ANKH: variants seen among roughly 807,000 people sequenced by gnomAD.
The protein encoded by ANKH is ANKH inorganic pyrophosphate transport regulator.
Under a neutral mutation model 49.0 loss-of-function variants are expected in ANKH, and 15 were observed. That is an observed-to-expected ratio of 0.31 (90% CI 0.20 to 0.47). The LOEUF is 0.47. Ranked by LOEUF, ANKH falls within the 20% of genes least tolerant of loss-of-function variation. ANKH has a pLI of 1.00. For missense variants in ANKH, 429 were observed against 652.0 expected, an observed-to-expected ratio of 0.66 and a Z score of 3.72; for synonymous variants, 273 against 260.0, an observed-to-expected ratio of 1.05 and a Z score of -0.48.
rs558367901 is a variant in ANKH, at chr5:14,868,435, G to A, written c.96+2917C>T. Reference sequence around the variant, plus strand: ...TTTTTAGACGGAGTCTTGCTCTGTCGCCCAGGCTGGAGGGTGCAGTGGTAC... The same window carrying A: ...TTTTTAGACGGAGTCTTGCTCTGTCACCCAGGCTGGAGGGTGCAGTGGTAC... On this transcript the variant is annotated intron_variant, in intron 1 of 11. Coordinates refer to ENST00000284268, the MANE Select transcript of ANKH (RefSeq NM_054027.6). The A allele has an allele frequency of 1.2e-4, 18 of 144,102 alleles. No individual in the cohort carries two copies. In the East Asian group the frequency reaches 2.2e-3, roughly 18 times the overall value. The allele number at this position is 144,102 out of a possible 1,614,324, so 8.9% of individuals were successfully genotyped here. A position where few individuals can be genotyped will look rare whatever the true frequency, so the allele number is the denominator to read the frequency against.
intron 1 of ANKH, among the ~76,000 whole-genome samples, chr5:14,820,702 C>T (rs1741174146): frequency 6.6e-6 from 1 of 152,156 alleles, no homozygotes; most frequent in Non-Finnish European, 1.5e-5. Flanking sequence ...TAAAGGCAGA[C>T]CAGGAGGGAG....
Position 14,833,642 on chromosome 5 carries a change from G to A in ANKH, c.96+37710C>T, listed in dbSNP as rs563986589. On this transcript the variant is annotated intron_variant, in intron 1 of 11. Coordinates refer to ENST00000284268, the MANE Select transcript of ANKH (RefSeq NM_054027.6). Reference sequence around the variant, plus strand: ...ACCTCAAAGACAAGTAGTGATATCTGCCAGAGACCTTTCAAAATAGCCAAG... The same window carrying A: ...ACCTCAAAGACAAGTAGTGATATCTACCAGAGACCTTTCAAAATAGCCAAG... Among the ~76,000 whole-genome samples, 117 of 152,332 alleles carry A rather than the reference G, an allele frequency of 7.7e-4. 1 individual carries two copies. Among genetic ancestry groups the A allele is most frequent in the African/African-American group, 2.7e-3 (111 of 41,566 alleles).
At chr5:14,723,260 G>T (rs1031972070) in intron 8 of ANKH, among the ~76,000 whole-genome samples, 1 of 151,870 alleles carries the variant, frequency 6.6e-6, no homozygotes, top group Non-Finnish European at 1.5e-5. Flanking sequence ...TGTAACATGC[G>T]CGCTGCAGTA....
chr5:14,747,266 A>C (rs1483528488), intron 6 of ANKH, among the ~76,000 whole-genome samples: 3 of 152,240 alleles, frequency 2.0e-5, no homozygotes, highest in African/African-American at 7.2e-5. Context: ...GCAGAAAGCT[A>C]TCAATGTGTT....
intron 1 of ANKH, among the ~76,000 whole-genome samples, chr5:14,838,505 T>A (rs1741724753): frequency 6.6e-6 from 1 of 152,062 alleles, no homozygotes; most frequent in African/African-American, 2.4e-5. Context: ...ACAAGTCTCT[T>A]GGACTCAAGG....
Position 14,752,729 on chromosome 5 carries a change from G to A in ANKH, c.517-1490C>T, listed in dbSNP as rs547403923. ...GGCTGGTGGGAAAGAGTGTGTGACTGAGGAGCGGGTAGTCAACAGAGCAAA... is the reference window on the plus strand; with the variant it reads ...GGCTGGTGGGAAAGAGTGTGTGACTAAGGAGCGGGTAGTCAACAGAGCAAA... On this transcript the variant is annotated intron_variant, in intron 4 of 11. Coordinates refer to ENST00000284268, the MANE Select transcript of ANKH (RefSeq NM_054027.6). Among the ~76,000 whole-genome samples the A allele has an allele frequency of 1.1e-4, 16 of 151,774 alleles. No individual in the cohort carries two copies. In the South Asian group the frequency reaches 2.9e-3, roughly 28 times the overall value.
At chr5:14,841,107 TTAGG>T (rs944188726) in intron 1 of ANKH, among the ~76,000 whole-genome samples, 12 of 152,066 alleles carry the variant, frequency 7.9e-5, no homozygotes, top group African/African-American at 2.4e-5. Context: ...TTTACAATCA[TTAGG>T]TAGAACTGAG....
At chr5:14,712,405 G>A (rs25988) in intron 11 of ANKH, among the ~76,000 whole-genome samples, 143,275 of 152,314 alleles carry the variant, frequency 0.94, 67,498 homozygotes, top group Middle Eastern at 0.98. Flanking sequence ...GTGATCAGAA[G>A]GGCCCTTGCG....
chr5:14,734,263 A>G (rs937122875), intron 8 of ANKH, among the ~76,000 whole-genome samples: 6 of 146,032 alleles, frequency 4.1e-5, no homozygotes, highest in Non-Finnish European at 6.0e-5. Context: ...CACCCCCGTC[A>G]CTCTCTTTAA....
chr5:14,711,446 G>A lies in ANKH; in HGVS notation c.1366-136C>T, dbSNP rs531819771. 2.5e-4 allele frequency: 183 copies of A among 732,890 alleles called. 1 individual carries two copies. Among genetic ancestry groups the A allele is most frequent in the Admixed American group, 1.7e-3 (81 of 48,170 alleles). The allele number at this position is 732,890 out of a possible 1,614,324, so 45.4% of individuals were successfully genotyped here. A position where few individuals can be genotyped will look rare whatever the true frequency, so the allele number is the denominator to read the frequency against. ...TAAACCTTCTTATGGTTGGGGTGGC[G>A]TCACCTCTTTTGCATCTTAGCTCAG... On this transcript the variant is annotated intron_variant, in intron 11 of 11. Transcript: ENST00000284268.
At chr5:14,869,903 C>T (rs773582181) in intron 1 of ANKH, 3 of 152,096 alleles carry the variant, frequency 2.0e-5, no homozygotes, top group Non-Finnish European at 4.4e-5. Context: ...AGGAAAGGCT[C>T]GAGTGAATAT....
chr5:14,782,388 G>T (rs1035827513), intron 1 of ANKH, among the ~76,000 whole-genome samples: 1 of 152,098 alleles, frequency 6.6e-6, no homozygotes, highest in Non-Finnish European at 1.5e-5. Flanking sequence ...CACTCATCCA[G>T]GGTGGACACA....
chr5:14,797,505 G>GCAA, intron 1 of ANKH: 1 of 1,611,276 alleles, frequency 6.2e-7, no homozygotes, highest in Non-Finnish European at 8.5e-7. Context: ...ATCCCACAAG[G>GCAA]CAACAGTCTT....
In ANKH at chr5:14,711,300, ATCT is replaced by A. The variant is rs770468766; in HGVS notation, c.1373_1375del (p.Lys458del). 8.1e-6 allele frequency: 13 copies of A among 1,613,922 alleles called. No homozygotes were observed. The highest frequency in any genetic ancestry group is 2.2e-5 in the East Asian group (1 of 44,872). On this transcript the variant is annotated inframe_deletion, in exon 12 of 12. Transcript: ENST00000284268. ...CCCCTCCGTGGCCGACTCATTCTCC[ATCT>A]TCTTTTTCTAGACCAAAGAAGACTC...
chr5:14,717,164 A>G, intron 8 of ANKH: 2 of 344,586 alleles, frequency 5.8e-6, no homozygotes, highest in Non-Finnish European at 1.1e-5. Context: ...GGAGAGTGCC[A>G]AACAGCTCAG....
intron 7 of ANKH, among the ~76,000 whole-genome samples, chr5:14,742,199 G>C (rs1738383470): frequency 1.3e-5 from 2 of 152,154 alleles, no homozygotes; most frequent in Admixed American, 6.5e-5. Flanking sequence ...ATCTTGCCCA[G>C]TCCTGGGGCT....
chr5:14,777,499 T>C (rs1361880811), intron 1 of ANKH, among the ~76,000 whole-genome samples: 1 of 152,184 alleles, frequency 6.6e-6, no homozygotes, highest in East Asian at 1.9e-4. Flanking sequence ...CCCACAGACA[T>C]GAACTGATCT....
rs759017986 is a variant in ANKH at position 14,769,027 on chromosome 5, G to A, written c.261C>T (p.Val87=). Reference sequence around the variant, plus strand: ...TGGCCCCTGCCACCACCATACACAGGACGGCTTTGGTCCTGTCTCTCTTGC... The same window carrying A: ...TGGCCCCTGCCACCACCATACACAGAACGGCTTTGGTCCTGTCTCTCTTGC... The part of the protein sequence containing the change: ...VNSKRDRTKA[V]LCMVVAGAIA... Residue 87 remains valine (V), a synonymous_variant, in exon 2 of 12, where the codon GTC becomes GTT. Coordinates refer to ENST00000284268, the MANE Select transcript of ANKH (RefSeq NM_054027.6). The A allele has an allele frequency of 4.3e-6, 7 of 1,614,118 alleles. No homozygotes were observed. The African/African-American group carries it at 9.3e-5, about 22-fold the overall frequency.
chr5:14,866,128 T>C (rs1334185797), intron 1 of ANKH, among the ~76,000 whole-genome samples: 1 of 152,192 alleles, frequency 6.6e-6, no homozygotes, highest in Non-Finnish European at 1.5e-5. Context: ...TGCCTCAGCC[T>C]CCCAAGTAGC....
Sources: gnomAD v4.1 joint callset for allele counts (sites outside exome capture counted in the v4.1 genomes callset) on GRCh38, gnomAD v4.1.1 for gene constraint, MANE v1.5 for transcripts, NCBI Gene and HGNC (gene_info 2026-07-23, HGNC 2026-07-21) for gene names.